Variants in SPATA4 observed in about 807,000 individuals in gnomAD.
SPATA4 encodes the protein spermatogenesis-associated protein 4.
SPATA4 carries 35 observed loss-of-function variants against 31.8 expected under a neutral mutation model. That is an observed-to-expected ratio of 1.10 (90% confidence interval 0.84 to 1.46). The LOEUF is 1.46. Among genes scored for constraint, SPATA4 ranks in the 40% most tolerant of loss-of-function variants. SPATA4 has a pLI of 0.00. For synonymous variants in SPATA4, 126 were observed against 132.4 expected (o/e 0.95, Z 0.33); for missense variants, 394 against 363.1 (o/e 1.09, Z -0.69).
intron 1 of SPATA4, chr4:176,194,717 CCAG>C (rs1752586073): frequency 6.9e-6 from 1 of 144,912 alleles, no homozygotes; most frequent in African/African-American, 2.5e-5. Context: ...CTGATCCTTA[CCAG>C]TATTTTTTTT....
At chr4:176,185,957 A>G (rs1272838479) in intron 5 of SPATA4, among the ~76,000 whole-genome samples, 1 of 152,200 alleles carries the variant, frequency 6.6e-6, no homozygotes, top group Non-Finnish European at 1.5e-5. Flanking sequence ...CAACCAGAGA[A>G]TCATAAAAAA....
intron 4 of SPATA4, among the ~76,000 whole-genome samples, 178 bp downstream of exon 4, chr4:176,192,449 T>C (rs1398480318): frequency 1.3e-5 from 2 of 152,220 alleles, no homozygotes; most frequent in Non-Finnish European, 2.9e-5. Flanking sequence ...AAAAGATTGA[T>C]TTATAAACCA....
chr4:176,193,608 A>G (rs1752568049), intron 1 of SPATA4, 26 bp from the exon 2 acceptor site: 1 of 1,576,032 alleles, frequency 6.3e-7, no homozygotes, highest in African/African-American at 1.4e-5. Flanking sequence ...TAGGAAATGA[A>G]ATAAAGTGTA....
At position 176,192,950 on chromosome 4, in the gene SPATA4, G is replaced by T; in HGVS notation, c.467+8C>A. On this transcript the variant is annotated splice_region_variant and intron_variant, in intron 3 of 5. Transcript: ENST00000280191. ...AATTGTGTTACTAGGAAATTACAAAGAACTTACTCTCGATGTGTTAATAAA... is the reference window on the plus strand; with the variant it reads ...AATTGTGTTACTAGGAAATTACAAATAACTTACTCTCGATGTGTTAATAAA... 6.3e-7 allele frequency: 1 copy of T among 1,589,152 alleles called. No individual in the cohort carries two copies.
intron 5 of SPATA4, among the ~76,000 whole-genome samples, chr4:176,185,634 A>C (rs1233173144): frequency 6.6e-6 from 1 of 152,164 alleles, no homozygotes; most frequent in African/African-American, 2.4e-5. Flanking sequence ...GCAGACCTGA[A>C]CTATTTACTC....
intron 2 of SPATA4, 57 bp from the exon 3 acceptor site, chr4:176,193,133 G>T: frequency 8.8e-7 from 1 of 1,138,592 alleles, no homozygotes; most frequent in Non-Finnish European, 1.3e-6. Flanking sequence ...AAATCTCCAA[G>T]TACTATGAAT....
chr4:176,191,374 G>A (rs1053365981), intron 4 of SPATA4, among the ~76,000 whole-genome samples: 8 of 152,166 alleles, frequency 5.3e-5, no homozygotes, highest in African/African-American at 1.4e-4. Context: ...GATTACAGGC[G>A]TGAGCCACCG....
At position 176,193,074 on chromosome 4, in the gene SPATA4, G is replaced by T. The variant is rs1405086723; in HGVS notation, c.351C>A (p.Phe117Leu). The T allele has an allele frequency of 8.4e-6, 13 of 1,543,796 alleles. No individual in the cohort carries two copies. Among genetic ancestry groups the T allele is most frequent in the South Asian group, 1.2e-5 (1 of 83,664 alleles). The change falls in exon 3 of 6, where the codon TTC becomes TTA. Residue 117 changes from phenylalanine (F) to leucine (L), a missense_variant and splice_region_variant. Transcript: ENST00000280191. ...GTAATTTAAATTTTTTTCTTGCCAG[G>T]AACTTTAATAGTAGAAAGAAAATGT... ...KLDNWAQLEK[F>L]LARKKFKLPK... is the part of the protein sequence containing the mutation.
At chr4:176,192,592 T>A in intron 4 of SPATA4, 35 bp downstream of exon 4, 1 of 1,561,970 alleles carries the variant, frequency 6.4e-7, no homozygotes, top group Non-Finnish European at 8.8e-7. Context: ...CTGATAGAGC[T>A]TGGAAGAACT....
At position 176,195,502 on chromosome 4, in the gene SPATA4, A is replaced by C; in HGVS notation, c.61T>G (p.Ser21Ala). 1 of 1,614,254 alleles carries C rather than the reference A, an allele frequency of 6.2e-7. No individual in the cohort carries two copies. Among genetic ancestry groups the C allele is most frequent in the Non-Finnish European group, 8.5e-7 (1 of 1,180,042 alleles). ...LTQTAAALDK[S>A]PSLSPQLAAP... is the part of the protein sequence containing the mutation. ...GCTAGCTGTGGCGAAAGTGACGGTG[A>C]CTTGTCTAGGGCTGCCGCAGTCTGT... Residue 21 changes from serine to alanine, a missense_variant, in exon 1 of 6, where the codon TCA becomes GCA. Coordinates refer to ENST00000280191, the MANE Select transcript of SPATA4 (RefSeq NM_144644.4).
rs1217792877 is a variant in SPATA4 at position 176,193,091 on chromosome 4, A to G, written c.349-15T>C. ...CTTGCCAGGAACTTTAATAGTAGAA[A>G]GAAAATGTTTTTATCATAAGAACTT... On this transcript the variant is annotated splice_polypyrimidine_tract_variant and intron_variant, in intron 2 of 5. Coordinates refer to ENST00000280191, the MANE Select transcript of SPATA4 (RefSeq NM_144644.4). The G allele has an allele frequency of 2.1e-6, 3 of 1,458,792 alleles. No homozygotes were observed. The African/African-American group carries it at 4.3e-5, about 21-fold the overall frequency. The allele number at this position is 1,458,792 out of a possible 1,614,324, so 90.4% of individuals were successfully genotyped here.
intron 5 of SPATA4, 98 bp downstream of exon 5, chr4:176,188,021 T>C (rs1752471640): frequency 1.2e-6 from 1 of 859,242 alleles, no homozygotes; most frequent in Admixed American, 1.9e-5. Context: ...TGTTGACCTA[T>C]ACCAACATTT....
chr4:176,191,329 C>T (rs948353857), intron 4 of SPATA4, among the ~76,000 whole-genome samples: 23 of 152,080 alleles, frequency 1.5e-4, no homozygotes, highest in African/African-American at 4.6e-4. Context: ...CTTTTGACCT[C>T]GTGATCCGCC....
chr4:176,193,445 T>C lies in SPATA4; in HGVS notation c.348+8A>G. ...AACAGTTAAAAGTGTAAATGACTGCTAACGTACCTTCTCCAACTGTGCCCA... is the reference window on the plus strand; with the variant it reads ...AACAGTTAAAAGTGTAAATGACTGCCAACGTACCTTCTCCAACTGTGCCCA... On this transcript the variant is annotated splice_region_variant and intron_variant, in intron 2 of 5. Coordinates refer to ENST00000280191, the MANE Select transcript of SPATA4 (RefSeq NM_144644.4). The C allele has an allele frequency of 1.2e-6, 2 of 1,608,974 alleles. No homozygotes were observed. Among genetic ancestry groups the C allele is most frequent in the Non-Finnish European group, 1.7e-6 (2 of 1,178,810 alleles).
intron 2 of SPATA4, 140 bp from the exon 3 acceptor site, chr4:176,193,216 A>G: frequency 1.3e-6 from 1 of 764,750 alleles, no homozygotes; most frequent in Non-Finnish European, 2.1e-6. Flanking sequence ...AAAAGATAAT[A>G]TTCAGCAGGA....
intron 1 of SPATA4, 47 bp from the exon 2 acceptor site, chr4:176,193,629 C>CAGTTTG (rs760192094): frequency 1.1e-4 from 172 of 1,511,852 alleles, no homozygotes; most frequent in Non-Finnish European, 1.4e-4. Flanking sequence ...GTTAATTATG[C>CAGTTTG]AGTTTGTATT....
chr4:176,195,311 A>AG (rs773711728), intron 1 of SPATA4, 34 bp downstream of exon 1: 35 of 1,605,328 alleles, frequency 2.2e-5, no homozygotes, highest in East Asian at 4.5e-5. Flanking sequence ...CGGGGCGCCC[A>AG]CCGGGGGGGC....
In SPATA4 at chr4:176,195,384, T is replaced by C. The variant is rs138950338; in HGVS notation, c.179A>G (p.Gln60Arg). The change falls in exon 1 of 6, where the codon CAG becomes CGG. Residue 60 changes from glutamine to arginine, a missense_variant. Transcript: ENST00000280191. Reference sequence around the variant, plus strand: ...GGGGAAGAAGCTGAGATCCAGACCCTGAAGCCAACGCAGAACGGAACGAGA... The same window carrying C: ...GGGGAAGAAGCTGAGATCCAGACCCCGAAGCCAACGCAGAACGGAACGAGA... ...RLSRSVLRWL[Q>R]GLDLSFFPRN... The C allele has an allele frequency of 2.5e-6, 4 of 1,614,080 alleles. No homozygotes were observed. In the African/African-American group the frequency reaches 5.3e-5, roughly 22 times the overall value.
chr4:176,189,315 T>A (rs942936531), intron 4 of SPATA4, among the ~76,000 whole-genome samples: 1 of 151,842 alleles, frequency 6.6e-6, no homozygotes, highest in Non-Finnish European at 1.5e-5. Context: ...CTAAGATAAA[T>A]ATGCATGCTA....
Sources: gnomAD v4.1 joint callset for allele counts (sites outside exome capture counted in the v4.1 genomes callset) on GRCh38, gnomAD v4.1.1 for gene constraint, MANE v1.5 for transcripts, NCBI Gene and HGNC (gene_info 2026-07-23, HGNC 2026-07-21) for gene names.